Variants in RAP1GAP2 observed in about 807,000 individuals in gnomAD.
The protein encoded by RAP1GAP2 is RAP1 GTPase activating protein 2.
A neutral mutation model predicts 95.0 loss-of-function variants in RAP1GAP2; 27 were observed. The observed-to-expected ratio is 0.28, with a 90% CI of 0.21 to 0.39. The LOEUF (loss-of-function observed/expected upper bound fraction) is 0.39, where lower values mean the gene tolerates loss of function less well. Ranked by LOEUF, RAP1GAP2 falls within the 10% of genes least tolerant of loss-of-function variation. RAP1GAP2 has a pLI of 1.00. For missense variants in RAP1GAP2, 771 were observed against 970.0 expected, an observed-to-expected ratio of 0.79 and a Z score of 2.72; for synonymous variants, 373 against 380.9, an observed-to-expected ratio of 0.98 and a Z score of 0.24.
chr17:2,930,868 A>G (rs944613715), intron 3 of RAP1GAP2, among the ~76,000 whole-genome samples: 2 of 152,246 alleles, frequency 1.3e-5, no homozygotes, highest in Non-Finnish European at 2.9e-5. Flanking sequence ...TCACGCCTGT[A>G]ATCCCAGCAC....
chr17:2,979,467 T>G (rs1048579750), intron 8 of RAP1GAP2, among the ~76,000 whole-genome samples: 3 of 139,302 alleles, frequency 2.2e-5, no homozygotes, highest in Non-Finnish European at 3.1e-5. Flanking sequence ...TCTGTTTTTT[T>G]TTTTTTTTTT....
intron 2 of RAP1GAP2, among the ~76,000 whole-genome samples, chr17:2,813,754 C>T (rs1055856871): frequency 2.0e-5 from 3 of 151,906 alleles, no homozygotes; most frequent in Non-Finnish European, 2.9e-5. Flanking sequence ...GTCAGGAGTT[C>T]GTCGAGACCA....
chr17:2,986,838 C>T (rs534098142), intron 11 of RAP1GAP2, among the ~76,000 whole-genome samples: 2 of 152,162 alleles, frequency 1.3e-5, no homozygotes, highest in African/African-American at 2.4e-5. Context: ...CCACAGCACA[C>T]GCTGCATTGT....
In RAP1GAP2 at chr17:3,029,019, C is replaced by T. The variant is rs1459375302; in HGVS notation, c.2108-1903C>T. Reference sequence around the variant, plus strand: ...TTCACCATGTTGGCCAGGCTGGTCTCGAACTCCTGACCTCGTGATCCACCC... The same window carrying T: ...TTCACCATGTTGGCCAGGCTGGTCTTGAACTCCTGACCTCGTGATCCACCC... On this transcript the variant is annotated intron_variant, in intron 22 of 24. Coordinates refer to ENST00000254695, the MANE Select transcript of RAP1GAP2 (RefSeq NM_015085.5). The surrounding 1 kb of genome is among the most constrained non-coding windows in gnomAD (Gnocchi z 4.4). Among the ~76,000 whole-genome samples, 1 of 152,054 alleles carries T rather than the reference C, an allele frequency of 6.6e-6. No individual in the cohort carries two copies. Among genetic ancestry groups the T allele is most frequent in the African/African-American group, 2.4e-5 (1 of 41,396 alleles).
chr17:2,970,244 G>C (rs1235661396), intron 8 of RAP1GAP2, among the ~76,000 whole-genome samples: 1 of 138,594 alleles, frequency 7.2e-6, no homozygotes, highest in Non-Finnish European at 1.5e-5. Context: ...ACTGCACTTC[G>C]GCCTGGGCGA....
chr17:2,821,241 G>A (rs1167181848), intron 2 of RAP1GAP2, among the ~76,000 whole-genome samples: 2 of 151,798 alleles, frequency 1.3e-5, no homozygotes, highest in African/African-American at 4.8e-5. Flanking sequence ...TTTAAAAATA[G>A]CACTTTTCCT....
At chr17:3,025,532 G>T (rs1014444129) in intron 19 of RAP1GAP2, among the ~76,000 whole-genome samples, 2 of 152,220 alleles carry the variant, frequency 1.3e-5, no homozygotes, top group African/African-American at 4.8e-5. Context: ...GCCTCCTCAT[G>T]TGGGACCAGG....
At chr17:2,842,053 C>T (rs574959925) in intron 2 of RAP1GAP2, among the ~76,000 whole-genome samples, 64 of 152,284 alleles carry the variant, frequency 4.2e-4, no homozygotes, top group African/African-American at 1.2e-3. Flanking sequence ...TGGGTCCTTC[C>T]GCCCATGTTA....
rs1257507535 is a variant in RAP1GAP2 at position 3,005,256 on chromosome 17, T to C, written c.1201-113T>C. 1.9e-6 allele frequency: 2 copies of C among 1,070,782 alleles called. No individual in the cohort carries two copies. Among genetic ancestry groups the C allele is most frequent in the African/African-American group, 3.1e-5 (2 of 64,326 alleles). The allele number at this position is 1,070,782 out of a possible 1,614,324, so 66.3% of individuals were successfully genotyped here. On this transcript the variant is annotated intron_variant, in intron 14 of 24. Coordinates refer to ENST00000254695, the MANE Select transcript of RAP1GAP2 (RefSeq NM_015085.5). The surrounding 1 kb of genome is among the most constrained non-coding windows in gnomAD (Gnocchi z 5.2). The stretch of plus-strand genomic sequence containing the variant: ...TGCTCACAGGAGTATTTTGTTTGTG[T>C]TCTGGGAAGAGGAGGAGGGAGAAGG...
At chr17:2,799,615 A>G (rs567226219) in intron 1 of RAP1GAP2, among the ~76,000 whole-genome samples, 1 of 152,294 alleles carries the variant, frequency 6.6e-6, no homozygotes, top group East Asian at 1.9e-4. Context: ...GGTGACACTG[A>G]TGATGACATG....
chr17:2,936,649 G>A (rs1039103979), intron 3 of RAP1GAP2, among the ~76,000 whole-genome samples: 1 of 152,092 alleles, frequency 6.6e-6, no homozygotes, highest in Admixed American at 6.6e-5. Context: ...GGAGGTGGTA[G>A]GAATGGGTCC....
chr17:2,858,263 G>GAT (rs1033278864), intron 2 of RAP1GAP2, among the ~76,000 whole-genome samples: 2 of 152,194 alleles, frequency 1.3e-5, no homozygotes, highest in African/African-American at 4.8e-5. Context: ...TGAGGAGGAA[G>GAT]ATATGGATTC....
chr17:2,815,766 G>A (rs906675985), intron 2 of RAP1GAP2, among the ~76,000 whole-genome samples: 10 of 152,140 alleles, frequency 6.6e-5, no homozygotes, highest in Non-Finnish European at 1.2e-4. Flanking sequence ...ACAGGCGCGA[G>A]CCACCGCACC....
At chr17:2,996,324 TA>T (rs1350853538) in intron 13 of RAP1GAP2, among the ~76,000 whole-genome samples, 1 of 152,172 alleles carries the variant, frequency 6.6e-6, no homozygotes, top group Admixed American at 6.5e-5. Flanking sequence ...TCCTGGCTGT[TA>T]CAAGCCCAGT....
At chr17:2,763,802 G>A (rs2068228623) in intron 1 of RAP1GAP2, among the ~76,000 whole-genome samples, 1 of 151,998 alleles carries the variant, frequency 6.6e-6, no homozygotes, top group South Asian at 2.1e-4. Flanking sequence ...GGGGCCAGGA[G>A]GTGAAGGCTG....
chr17:2,895,664 C>T (rs567626800), intron 2 of RAP1GAP2, among the ~76,000 whole-genome samples: 4 of 152,074 alleles, frequency 2.6e-5, no homozygotes, highest in Admixed American at 2.6e-4. Context: ...GCAACCTCCG[C>T]CTCCCGGGTT....
Position 2,965,285 on chromosome 17 carries a change from G to A in RAP1GAP2, c.493-255G>A, listed in dbSNP as rs1042732140. ...CATTGGTTTTCCCATCTGTGAAATG[G>A]GGATGATGTTCTCTCCCGGATACAG... On this transcript the variant is annotated intron_variant, in intron 7 of 24. Transcript: ENST00000254695. This position sits in a 1 kb window ranked among gnomAD's most constrained non-coding sequence, Gnocchi z 4.7. 2.0e-6 allele frequency: 1 copy of A among 505,208 alleles called. No individual in the cohort carries two copies. The highest frequency in any genetic ancestry group is 3.4e-5 in the East Asian group (1 of 29,176). The allele number at this position is 505,208 out of a possible 1,614,324, so 31.3% of individuals were successfully genotyped here. A position where few individuals can be genotyped will look rare whatever the true frequency, so the allele number is the denominator to read the frequency against.
chr17:2,808,857 G>C (rs1047063391), intron 2 of RAP1GAP2, among the ~76,000 whole-genome samples: 1 of 152,142 alleles, frequency 6.6e-6, no homozygotes, highest in Non-Finnish European at 1.5e-5. Flanking sequence ...GCCCATGCAG[G>C]TGGACGTGAG....
At chr17:2,813,213 C>T (rs1227370388) in intron 2 of RAP1GAP2, among the ~76,000 whole-genome samples, 3 of 151,856 alleles carry the variant, frequency 2.0e-5, no homozygotes, top group Non-Finnish European at 4.4e-5. Flanking sequence ...GCTGGGATTA[C>T]AGGTGCATGC....
Sources: gnomAD v4.1 joint callset for allele counts (sites outside exome capture counted in the v4.1 genomes callset) on GRCh38, gnomAD v4.1.1 for gene constraint, Gnocchi (gnomAD v3.1) non-coding constraint, MANE v1.5 for transcripts, NCBI Gene and HGNC (gene_info 2026-07-23, HGNC 2026-07-21) for gene names.